The following SLC22A15 variants were observed in gnomAD, a reference collection of about 807,000 sequenced individuals.
SLC22A15 encodes the protein solute carrier family 22 member 15.
SLC22A15 carries 45 observed loss-of-function variants against 62.7 expected under a neutral mutation model. The observed-to-expected ratio is 0.72, with a 90% CI of 0.56 to 0.92. SLC22A15 has a LOEUF of 0.92. SLC22A15 is among the 40% of genes least tolerant of loss of function. The pLI is 0.00. For synonymous variants in SLC22A15, 264 were observed against 267.0 expected, an observed-to-expected ratio of 0.99 and a Z score of 0.11; for missense variants, 622 against 665.6, an observed-to-expected ratio of 0.93 and a Z score of 0.72.
chr1:115,990,819 G>C (rs553278548), intron 1 of SLC22A15, among the ~76,000 whole-genome samples: 2 of 152,236 alleles, frequency 1.3e-5, no homozygotes, highest in East Asian at 3.9e-4. Flanking sequence ...GTGCAGTGGC[G>C]TGATCTCAGC....
rs1015300801 is a variant in SLC22A15 at position 116,068,829 on chromosome 1, A to C, written c.*1721A>C. 1 of 152,202 alleles carries C rather than the reference A, an allele frequency of 6.6e-6. No homozygotes were observed. Among genetic ancestry groups the C allele is most frequent in the African/African-American group, 2.4e-5 (1 of 41,456 alleles). 9.4% of individuals were successfully genotyped at this position (152,202 alleles called of 1,614,324 possible). ...ATAGGAAGAGAGGAAGAACTTACAA[A>C]GACACTTAAAAGTTATTCTTAAATG... On this transcript the variant is annotated 3_prime_UTR_variant, in exon 12 of 12. Coordinates refer to ENST00000369503, the MANE Select transcript of SLC22A15 (RefSeq NM_018420.3).
At chr1:115,995,716 C>A (rs1392289206) in intron 2 of SLC22A15, among the ~76,000 whole-genome samples, 2 of 152,120 alleles carry the variant, frequency 1.3e-5, no homozygotes, top group African/African-American at 4.8e-5. Flanking sequence ...GATTCCTATT[C>A]TTTTCAATGA....
Position 116,062,747 on chromosome 1 carries a change from C to T in SLC22A15, c.1172-15C>T, listed in dbSNP as rs769045297. On this transcript the variant is annotated splice_polypyrimidine_tract_variant and intron_variant, in intron 8 of 11. Coordinates refer to ENST00000369503, the MANE Select transcript of SLC22A15 (RefSeq NM_018420.3). ...CAACTGTGGGTCTCACAGGCATTGC[C>T]CTTGTCCTCCTCAGACACAGGTGTG... 4 of 1,613,562 alleles carry T rather than the reference C, an allele frequency of 2.5e-6. No individual in the cohort carries two copies. Among genetic ancestry groups the T allele is most frequent in the Non-Finnish European group, 3.4e-6 (4 of 1,179,692 alleles).
chr1:116,020,286 C>T (rs1656756963), intron 3 of SLC22A15, among the ~76,000 whole-genome samples: 1 of 149,154 alleles, frequency 6.7e-6, no homozygotes, highest in South Asian at 2.1e-4. Flanking sequence ...GGCGCGGTGG[C>T]TCACGCCTGT....
At chr1:115,990,397 A>G (rs1469979698) in intron 1 of SLC22A15, among the ~76,000 whole-genome samples, 1 of 152,200 alleles carries the variant, frequency 6.6e-6, no homozygotes, top group African/African-American at 2.4e-5. Context: ...TATACCCATC[A>G]ATTAAATTTC....
At chr1:116,029,039 C>T (rs1171167670) in intron 5 of SLC22A15, among the ~76,000 whole-genome samples, 1 of 152,184 alleles carries the variant, frequency 6.6e-6, no homozygotes, top group African/African-American at 2.4e-5. Context: ...ACTGAGAGCT[C>T]TCCAACAGTA....
chr1:116,060,307 G>A (rs1056663465), intron 8 of SLC22A15, among the ~76,000 whole-genome samples: 1 of 152,240 alleles, frequency 6.6e-6, no homozygotes, highest in Non-Finnish European at 1.5e-5. Context: ...ACATACGAGA[G>A]AAGTTTTAAG....
chr1:116,040,052 A>T (rs530540799), intron 8 of SLC22A15, among the ~76,000 whole-genome samples: 1 of 152,116 alleles, frequency 6.6e-6, no homozygotes, highest in South Asian at 2.1e-4. Context: ...CTTTCTGCCA[A>T]CTCAGGTGAC....
At chr1:115,978,195 C>A (rs981900323) in intron 1 of SLC22A15, among the ~76,000 whole-genome samples, 1 of 152,120 alleles carries the variant, frequency 6.6e-6, no homozygotes, top group Non-Finnish European at 1.5e-5. Context: ...AATCCCAGCT[C>A]CCCATCCCTC....
chr1:116,008,012 G>A (rs1172286055), intron 2 of SLC22A15, among the ~76,000 whole-genome samples: 1 of 152,220 alleles, frequency 6.6e-6, no homozygotes, highest in African/African-American at 2.4e-5. Context: ...CATGAGAACA[G>A]GGTGAAGATC....
chr1:115,998,224 G>A (rs888247562), intron 2 of SLC22A15, among the ~76,000 whole-genome samples: 4 of 152,026 alleles, frequency 2.6e-5, no homozygotes, highest in African/African-American at 9.7e-5. Flanking sequence ...TTCATCAGAT[G>A]TATTGGCCTC....
At chr1:115,977,169 GC>G (rs1007761192) in intron 1 of SLC22A15, among the ~76,000 whole-genome samples, 1 of 152,152 alleles carries the variant, frequency 6.6e-6, no homozygotes, top group African/African-American at 2.4e-5. Flanking sequence ...GTCTAGGATC[GC>G]CTCCCTCTGC....
At chr1:116,023,458 T>C (rs189342917) in intron 4 of SLC22A15, among the ~76,000 whole-genome samples, 20 of 152,350 alleles carry the variant, frequency 1.3e-4, no homozygotes, top group African/African-American at 4.6e-4. Context: ...TGTAGTCCTA[T>C]TCCCCTAGAG....
intron 8 of SLC22A15, among the ~76,000 whole-genome samples, chr1:116,057,853 A>G (rs576167039): frequency 2.0e-5 from 3 of 152,262 alleles, no homozygotes; most frequent in African/African-American, 7.2e-5. Flanking sequence ...TGGGAATTGA[A>G]CAATGAGAAC....
intron 4 of SLC22A15, among the ~76,000 whole-genome samples, chr1:116,026,543 C>T (rs934100136): frequency 6.6e-6 from 1 of 152,116 alleles, no homozygotes; most frequent in East Asian, 1.9e-4. Context: ...AGCGTATTAC[C>T]CATATGGCAA....
At chr1:116,009,440 T>C (rs910849928) in intron 2 of SLC22A15, among the ~76,000 whole-genome samples, 2 of 151,844 alleles carry the variant, frequency 1.3e-5, no homozygotes, top group African/African-American at 4.9e-5. Context: ...GCTAACAAAA[T>C]GATAAGAATC....
At chr1:115,983,829 T>C (rs1392899375) in intron 1 of SLC22A15, among the ~76,000 whole-genome samples, 1 of 152,128 alleles carries the variant, frequency 6.6e-6, no homozygotes, top group African/African-American at 2.4e-5. Context: ...AGCACATAAG[T>C]GGTAAGCTAT....
At chr1:116,024,627 A>G (rs1020517474) in intron 4 of SLC22A15, among the ~76,000 whole-genome samples, 2 of 152,128 alleles carry the variant, frequency 1.3e-5, no homozygotes, top group Admixed American at 1.3e-4. Context: ...GAGCTCATAT[A>G]TAAGGGAAAA....
chr1:116,025,764 A>G (rs1214473825), intron 4 of SLC22A15, among the ~76,000 whole-genome samples: 3 of 152,170 alleles, frequency 2.0e-5, no homozygotes, highest in African/African-American at 7.2e-5. Flanking sequence ...AATGGTACTT[A>G]CTTCATAGGA....
Sources: gnomAD v4.1 joint callset for allele counts (sites outside exome capture counted in the v4.1 genomes callset) on GRCh38, gnomAD v4.1.1 for gene constraint, MANE v1.5 for transcripts, NCBI Gene and HGNC (gene_info 2026-07-23, HGNC 2026-07-21) for gene names.